Variants in USP48 observed in about 807,000 individuals in gnomAD.
USP48 encodes the protein ubiquitin carboxyl-terminal hydrolase 48.
A neutral mutation model predicts 150.7 loss-of-function variants in USP48; 43 were observed. That is an observed-to-expected ratio of 0.29 (90% CI 0.22 to 0.37). The LOEUF (loss-of-function observed/expected upper bound fraction) is 0.37. Among genes scored for constraint, USP48 ranks in the 10% least tolerant of loss-of-function variants. The pLI is 1.00. For missense variants in USP48, 813 were observed against 1,249.6 expected (o/e 0.65, Z 5.27); for synonymous variants, 396 against 425.9 (o/e 0.93, Z 0.86).
chr1:21,695,933 A>G (rs1290275559), intron 22 of USP48, among the ~76,000 whole-genome samples: 1 of 152,200 alleles, frequency 6.6e-6, no homozygotes, highest in East Asian at 1.9e-4. Context: ...CACTTGTCCT[A>G]ATGGCAAAAT....
chr1:21,771,298 C>T (rs2097879596), intron 1 of USP48, among the ~76,000 whole-genome samples: 1 of 151,322 alleles, frequency 6.6e-6, no homozygotes, highest in South Asian at 2.1e-4. Context: ...CGCCTGAACC[C>T]GGGAGATGGA....
chr1:21,718,348 TTG>T, intron 14 of USP48, among the ~76,000 whole-genome samples: 2 of 152,234 alleles, frequency 1.3e-5, no homozygotes. Context: ...TTTACAGTGA[TTG>T]TATCTGGTGG....
intron 1 of USP48, among the ~76,000 whole-genome samples, chr1:21,767,431 T>C (rs887860296): frequency 2.9e-4 from 44 of 152,084 alleles, no homozygotes; most frequent in Admixed American, 5.9e-4. Context: ...TTCAAGTGAT[T>C]CTCCTGCCTC....
At position 21,756,555 on chromosome 1, in the gene USP48, C is replaced by G; in HGVS notation, c.403G>C (p.Glu135Gln). Residue 135 changes from glutamate (E) to glutamine (Q), a missense_variant, in exon 3 of 27, where the codon GAA becomes CAA. Transcript: ENST00000308271. The part of the protein sequence containing the change: ...SDYMLGDGIQ[E>Q]EKDYEPQTIC... The stretch of plus-strand genomic sequence containing the variant: ...ACCCCTTTCCACCCACCTTTTTCTT[C>G]TTGGATGCCGTCTCCCAGCATGTAG... 1 of 1,568,276 alleles carries G rather than the reference C, an allele frequency of 6.4e-7. No individual in the cohort carries two copies. Among genetic ancestry groups the G allele is most frequent in the Non-Finnish European group, 8.6e-7 (1 of 1,164,254 alleles).
At chr1:21,769,418 C>T (rs2097872651) in intron 1 of USP48, among the ~76,000 whole-genome samples, 1 of 151,084 alleles carries the variant, frequency 6.6e-6, no homozygotes, top group African/African-American at 2.4e-5. Context: ...GGAGCAGAAA[C>T]AATTTTTTTT....
chr1:21,727,897 C>T (rs1383698735), intron 11 of USP48: 17 of 981,802 alleles, frequency 1.7e-5, no homozygotes, highest in Non-Finnish European at 1.7e-5. Flanking sequence ...AATTGTCTCT[C>T]TTCCTTAAGT....
rs999878275 is a variant in USP48, at chr1:21,739,757, G to A, written c.992-3132C>T. ...CAAAACTTACTCGTCCTGTTGAACC[G>A]AAGCTTTGTACTCTTTGAACATCAC... On this transcript the variant is annotated intron_variant, in intron 8 of 26. Transcript: ENST00000308271. 2.6e-5 allele frequency among the ~76,000 whole-genome samples: 4 copies of A among 152,114 alleles called. No homozygotes were observed. In the East Asian group the frequency reaches 5.8e-4, roughly 22 times the overall value.
chr1:21,685,628 C>G (rs1558984738), intron 25 of USP48, among the ~76,000 whole-genome samples: 1 of 152,118 alleles, frequency 6.6e-6, no homozygotes, highest in Non-Finnish European at 1.5e-5. Flanking sequence ...TTCTTGATTT[C>G]TTTTTCAGCT....
At chr1:21,731,551 A>G (rs1049920460) in intron 9 of USP48, among the ~76,000 whole-genome samples, 1 of 147,742 alleles carries the variant, frequency 6.8e-6, no homozygotes, top group Non-Finnish European at 1.5e-5. Context: ...GGAGTGAGCC[A>G]CCCCACCCAG....
intron 1 of USP48, among the ~76,000 whole-genome samples, chr1:21,774,805 A>G (rs964892150): frequency 4.6e-5 from 7 of 151,974 alleles, no homozygotes; most frequent in East Asian, 1.9e-4. Flanking sequence ...CAGCCTGGCC[A>G]ACATGGTGAA....
chr1:21,701,887 G>T (rs2097658031), intron 21 of USP48, among the ~76,000 whole-genome samples: 1 of 152,168 alleles, frequency 6.6e-6, no homozygotes, highest in Non-Finnish European at 1.5e-5. Context: ...CTTGTACAAT[G>T]ATGTTATTTT....
Position 21,680,796 on chromosome 1 carries a change from A to C in USP48, c.3085+12T>G. 6.3e-7 allele frequency: 1 copy of C among 1,587,458 alleles called. No homozygotes were observed. The highest frequency in any genetic ancestry group is 8.5e-7 in the Non-Finnish European group (1 of 1,172,164). On this transcript the variant is annotated intron_variant, in intron 26 of 26. Transcript: ENST00000308271. ...TGACATTCATGAACAAAACATGACA[A>C]ATGTAACTTACCTTTAAACCCTTCT...
At chr1:21,741,709 G>C (rs1384674) in intron 8 of USP48, among the ~76,000 whole-genome samples, 1 of 152,258 alleles carries the variant, frequency 6.6e-6, no homozygotes, top group African/African-American at 2.4e-5. Context: ...AGGTGTGGTG[G>C]TTCACGCCTG....
chr1:21,726,198 G>A lies in USP48; in HGVS notation c.1451-2103C>T, dbSNP rs564358144. ...GGCCCTCACAATGAAAGGAATCTAG[G>A]AAAGCTCAAAATGCACAAAGCCCTC... On this transcript the variant is annotated intron_variant, in intron 11 of 26. Transcript: ENST00000308271. Among the ~76,000 whole-genome samples, 69 of 152,190 alleles carry A rather than the reference G, an allele frequency of 4.5e-4. No individual in the cohort carries two copies. The South Asian group carries it at 0.013, about 30-fold the overall frequency.
chr1:21,710,311 T>A (rs563489762), intron 15 of USP48, among the ~76,000 whole-genome samples: 1 of 152,172 alleles, frequency 6.6e-6, no homozygotes, highest in Non-Finnish European at 1.5e-5. Flanking sequence ...AACAATGAAT[T>A]TAGATACTGG....
intron 1 of USP48, among the ~76,000 whole-genome samples, chr1:21,770,530 G>A (rs1357568913): frequency 6.9e-6 from 1 of 144,720 alleles, no homozygotes; most frequent in Non-Finnish European, 1.5e-5. Flanking sequence ...TGCCCAGGCT[G>A]GAGTGCAGAG....
rs2097796479 is a variant in USP48 at position 21,747,168 on chromosome 1, G to A, written c.909-19C>T. On this transcript the variant is annotated intron_variant, in intron 7 of 26. Transcript: ENST00000308271. Reference sequence around the variant, plus strand: ...AGTTTGCCTAACCAAGAGGAAAGCTGATTATATTTACATTTAAAACAATCA... The same window carrying A: ...AGTTTGCCTAACCAAGAGGAAAGCTAATTATATTTACATTTAAAACAATCA... The A allele has an allele frequency of 6.4e-7, 1 of 1,561,954 alleles. No homozygotes were observed. Among genetic ancestry groups the A allele is most frequent in the Non-Finnish European group, 8.7e-7 (1 of 1,143,042 alleles).
intron 8 of USP48, among the ~76,000 whole-genome samples, chr1:21,739,815 A>G (rs575381197): frequency 6.6e-6 from 1 of 151,316 alleles, no homozygotes; most frequent in East Asian, 1.9e-4. Context: ...GCCATCCACC[A>G]CCTCCACTCC....
intron 23 of USP48, among the ~76,000 whole-genome samples, chr1:21,692,281 G>A (rs1473754988): frequency 6.6e-6 from 1 of 152,048 alleles, no homozygotes; most frequent in Non-Finnish European, 1.5e-5. Flanking sequence ...CAGGAGTACT[G>A]ACAGGACAGT....
Sources: allele counts gnomAD v4.1 joint callset (sites outside exome capture counted in the v4.1 genomes callset), GRCh38; gene constraint gnomAD v4.1.1; transcripts MANE v1.5; gene names NCBI Gene and HGNC (gene_info 2026-07-23, HGNC 2026-07-21).